Variants in FRMD4B observed in about 807,000 individuals in gnomAD.
FRMD4B encodes the protein FERM domain containing 4B.
Under a neutral mutation model 141.5 loss-of-function variants are expected in FRMD4B, and 74 were observed. That is an observed-to-expected ratio of 0.52 (90% CI 0.43 to 0.63). The LOEUF (loss-of-function observed/expected upper bound fraction) is 0.63. Ranked by LOEUF, FRMD4B falls within the 30% of genes least tolerant of loss-of-function variation. FRMD4B has a pLI of 0.00. For synonymous variants in FRMD4B, 506 were observed against 467.9 expected, an observed-to-expected ratio of 1.08 and a Z score of -1.05; for missense variants, 1,366 against 1,253.4, an observed-to-expected ratio of 1.09 and a Z score of -1.36.
chr3:69,356,133 G>A lies in FRMD4B; in HGVS notation c.162+29695C>T, dbSNP rs563744691. ...CCCCATATCCCCATATAAAGAAGATGAATATGTGATTCAAGACTGACCAAT... is the reference window on the plus strand; with the variant it reads ...CCCCATATCCCCATATAAAGAAGATAAATATGTGATTCAAGACTGACCAAT... On this transcript the variant is annotated intron_variant, in intron 1 of 22. Transcript: ENST00000398540. Among the ~76,000 whole-genome samples the A allele has an allele frequency of 4.4e-4, 67 of 152,322 alleles. No homozygotes were observed. In the South Asian group the frequency reaches 0.01, roughly 23 times the overall value.
intron 20 of FRMD4B, 26 bp from the exon 21 acceptor site, chr3:69,181,736 T>G: frequency 6.9e-7 from 1 of 1,439,024 alleles, no homozygotes; most frequent in Non-Finnish European, 9.6e-7. Context: ...GGCAAACTTC[T>G]CAACACCAAG....
chr3:69,255,041 C>T (rs937021633), intron 5 of FRMD4B, among the ~76,000 whole-genome samples: 7 of 152,158 alleles, frequency 4.6e-5, no homozygotes, highest in Non-Finnish European at 1.0e-4. Flanking sequence ...AGCATGCTAT[C>T]CCAGATCAGG....
At chr3:69,524,301 T>C (rs1340981721) in intron 1 of FRMD4B, among the ~76,000 whole-genome samples, 2 of 152,194 alleles carry the variant, frequency 1.3e-5, no homozygotes, top group Non-Finnish European at 2.9e-5. Flanking sequence ...AATGTGGAAA[T>C]GTATCAGTCT....
chr3:69,486,178 T>C (rs1706212420), intron 1 of FRMD4B, among the ~76,000 whole-genome samples: 1 of 152,246 alleles, frequency 6.6e-6, no homozygotes, highest in South Asian at 2.1e-4. Context: ...GTTTTTAATA[T>C]GAAACATCAG....
chr3:69,481,325 C>T (rs1047593408), intron 1 of FRMD4B, among the ~76,000 whole-genome samples: 17 of 152,150 alleles, frequency 1.1e-4, no homozygotes, highest in Non-Finnish European at 1.9e-4. Flanking sequence ...GAGCTGTAGA[C>T]CGGAGCTGTT....
At chr3:69,379,023 C>T (rs1249748221) in intron 1 of FRMD4B, among the ~76,000 whole-genome samples, 1 of 152,106 alleles carries the variant, frequency 6.6e-6, no homozygotes, top group Admixed American at 6.5e-5. Flanking sequence ...TTTCATAGAC[C>T]TTGGTTTCCT....
chr3:69,447,148 A>T (rs17005890), intron 1 of FRMD4B, among the ~76,000 whole-genome samples: 1 of 152,066 alleles, frequency 6.6e-6, no homozygotes, highest in Non-Finnish European at 1.5e-5. Flanking sequence ...TGACTTGCAC[A>T]GTGAGCTACA....
At position 69,371,201 on chromosome 3, in the gene FRMD4B, G is replaced by A. The variant is rs538058734; in HGVS notation, c.162+14627C>T. 1.4e-4 allele frequency among the ~76,000 whole-genome samples: 21 copies of A among 152,304 alleles called. No homozygotes were observed. The South Asian group carries it at 4.2e-3, about 30-fold the overall frequency. The stretch of plus-strand genomic sequence containing the variant: ...AGACTTCTCAGGAATGAGATTCCAG[G>A]CAGACAACATTCTGTGGGCTACAAC... On this transcript the variant is annotated intron_variant, in intron 1 of 22. Coordinates refer to ENST00000398540, the MANE Select transcript of FRMD4B (RefSeq NM_015123.3).
At chr3:69,516,906 G>A (rs1221360376) in intron 1 of FRMD4B, among the ~76,000 whole-genome samples, 5 of 152,224 alleles carry the variant, frequency 3.3e-5, no homozygotes, top group South Asian at 2.1e-4. Flanking sequence ...CCAAATTTTC[G>A]ATAACCTTTC....
intron 1 of FRMD4B, among the ~76,000 whole-genome samples, chr3:69,334,680 A>T (rs1398276604): frequency 6.6e-6 from 1 of 152,064 alleles, no homozygotes; most frequent in East Asian, 1.9e-4. Flanking sequence ...TAGTTGCTAA[A>T]TAGGTGATTT....
chr3:69,257,707 G>C (rs1055014428), intron 5 of FRMD4B, among the ~76,000 whole-genome samples: 1 of 151,978 alleles, frequency 6.6e-6, no homozygotes, highest in Non-Finnish European at 1.5e-5. Context: ...TGTCACCCAG[G>C]CTGGAATGCA....
At chr3:69,400,381 C>T (rs1054304592) in intron 2 of FRMD4B, among the ~76,000 whole-genome samples, 2 of 84,236 alleles carry the variant, frequency 2.4e-5, no homozygotes, top group African/African-American at 4.3e-5. Flanking sequence ...GACCCTGTCT[C>T]TCAAGAAAAA....
intron 5 of FRMD4B, among the ~76,000 whole-genome samples, chr3:69,252,091 CTTTGCATCA>C (rs745358850): frequency 4.6e-5 from 7 of 152,170 alleles, no homozygotes; most frequent in Non-Finnish European, 1.0e-4. Flanking sequence ...CACGACCCAC[CTTTGCATCA>C]TCAGAACCTC....
intron 11 of FRMD4B, among the ~76,000 whole-genome samples, chr3:69,207,806 C>CAA (rs200656924): frequency 1.6e-4 from 24 of 147,778 alleles, no homozygotes; most frequent in African/African-American, 5.9e-4. Flanking sequence ...GACTCCGTCT[C>CAA]AAAAAAAAAA....
At chr3:69,509,314 C>A (rs1188743484) in intron 1 of FRMD4B, among the ~76,000 whole-genome samples, 1 of 152,220 alleles carries the variant, frequency 6.6e-6, no homozygotes, top group African/African-American at 2.4e-5. Flanking sequence ...ACGGGCAAGT[C>A]TGTTGCCAAA....
At chr3:69,286,420 T>C (rs1053336802) in intron 5 of FRMD4B, among the ~76,000 whole-genome samples, 1 of 152,158 alleles carries the variant, frequency 6.6e-6, no homozygotes, top group Non-Finnish European at 1.5e-5. Flanking sequence ...TTATGCTACA[T>C]GTGAAGTGGT....
chr3:69,172,205 T>C (rs1016063927), intron 22 of FRMD4B, among the ~76,000 whole-genome samples: 5 of 152,218 alleles, frequency 3.3e-5, no homozygotes, highest in African/African-American at 1.2e-4. Context: ...TCTGGAAAGA[T>C]ATGCCTTTGT....
intron 4 of FRMD4B, among the ~76,000 whole-genome samples, chr3:69,301,086 T>G (rs1351903659): frequency 2.0e-5 from 3 of 152,118 alleles, no homozygotes; most frequent in Non-Finnish European, 4.4e-5. Context: ...AATGCTTAAA[T>G]AAATAGATTT....
intron 1 of FRMD4B, among the ~76,000 whole-genome samples, chr3:69,366,544 T>C (rs974378866): frequency 6.6e-6 from 1 of 152,160 alleles, no homozygotes; most frequent in Non-Finnish European, 1.5e-5. Context: ...AATGATATGA[T>C]ATGTATGTCA....
Sources: allele counts gnomAD v4.1 joint callset (sites outside exome capture counted in the v4.1 genomes callset), GRCh38; gene constraint gnomAD v4.1.1; transcripts MANE v1.5; gene names NCBI Gene and HGNC (gene_info 2026-07-23, HGNC 2026-07-21).